NCAPD3: variants seen among roughly 807,000 people sequenced by gnomAD.
The protein encoded by NCAPD3 is non-SMC condensin II complex subunit D3, also known as condensin-2 complex subunit D3.
Under a neutral mutation model 182.9 loss-of-function variants are expected in NCAPD3, and 105 were observed. That is an observed-to-expected ratio of 0.57 (90% CI 0.49 to 0.68). NCAPD3 has a LOEUF of 0.68. Ranked by LOEUF, NCAPD3 falls within the 30% of genes least tolerant of loss-of-function variation. NCAPD3 has a pLI of 0.00. For missense variants in NCAPD3, 1,944 were observed against 1,837.0 expected, an observed-to-expected ratio of 1.06 and a Z score of -1.07; for synonymous variants, 815 against 679.9, an observed-to-expected ratio of 1.20 and a Z score of -3.09.
intron 13 of NCAPD3, among the ~76,000 whole-genome samples, chr11:134,198,593 G>A (rs1014654827): frequency 6.6e-6 from 1 of 152,134 alleles, no homozygotes; most frequent in African/African-American, 2.4e-5. Context: ...TACAGAGCTT[G>A]ACTCTTTCTG....
Position 134,184,808 on chromosome 11 carries a change from TATAC to T in NCAPD3, c.2336-60_2336-57del, listed in dbSNP as rs202007931. On this transcript the variant is annotated intron_variant, in intron 18 of 34. Coordinates refer to ENST00000534548, the MANE Select transcript of NCAPD3 (RefSeq NM_015261.3). ...AACTGCTTAAATATATTCAGGTATA[TATAC>T]ACACACACACACACACACACACACA... 2,113 of 953,770 alleles carry T rather than the reference TATAC, an allele frequency of 2.2e-3. 9 individuals carry two copies. In the Admixed American group the frequency reaches 0.023, roughly 10 times the overall value. The allele number at this position is 953,770 out of a possible 1,614,324, so 59.1% of individuals were successfully genotyped here.
At chr11:134,199,603 C>A (rs1944706433) in intron 13 of NCAPD3, among the ~76,000 whole-genome samples, 1 of 152,204 alleles carries the variant, frequency 6.6e-6, no homozygotes, top group Non-Finnish European at 1.5e-5. Flanking sequence ...GCCACCCCAT[C>A]AAAAGGGGAC....
chr11:134,168,965 T>C lies in NCAPD3; in HGVS notation c.3191A>G (p.Asn1064Ser), dbSNP rs1943939990. The C allele has an allele frequency of 6.2e-7, 1 of 1,613,910 alleles. No individual in the cohort carries two copies. The highest frequency in any genetic ancestry group is 1.7e-5 in the Admixed American group (1 of 59,992). The change falls in exon 25 of 35, where the codon AAT (asparagine) becomes AGT (serine). Residue 1064 changes from asparagine to serine, a missense_variant. This residue lies in a region of NCAPD3 where 1,803 missense variants were observed against 1,674.6 expected (regional missense o/e 1.08). Coordinates refer to ENST00000534548, the MANE Select transcript of NCAPD3 (RefSeq NM_015261.3). The stretch of plus-strand genomic sequence containing the variant: ...GTACTTCTCATGCTTCTCATAGTTA[T>C]TAAAGTGAAAAATACATTCAATGAA... ...QHFIECIFHF[N>S]NYEKHEKYNK...
rs114167852 is a variant in NCAPD3, at chr11:134,176,491, G to A, written c.3022-105C>T. On this transcript the variant is annotated intron_variant, in intron 23 of 34. Transcript: ENST00000534548. Reference sequence around the variant, plus strand: ...CACGCGGTCTGTCCCCGGCACACTGGCTGAGTGCACAGGCACACACTTCCA... The same window carrying A: ...CACGCGGTCTGTCCCCGGCACACTGACTGAGTGCACAGGCACACACTTCCA... The A allele has an allele frequency of 6.7e-3, 5,899 of 882,774 alleles. 231 individuals carry two copies. The African/African-American group carries it at 0.086, about 13-fold the overall frequency. The allele number at this position is 882,774 out of a possible 1,614,324, so 54.7% of individuals were successfully genotyped here. A position where few individuals can be genotyped will look rare whatever the true frequency, so the allele number is the denominator to read the frequency against.
intron 26 of NCAPD3, 27 bp downstream of exon 26, chr11:134,168,442 A>C: frequency 6.2e-7 from 1 of 1,612,794 alleles, no homozygotes; most frequent in Non-Finnish European, 8.5e-7. Context: ...AAACACACAC[A>C]TTTTCTCCCA....
Position 134,161,912 on chromosome 11 carries a change from A to C in NCAPD3, c.3574-21T>G, listed in dbSNP as rs780263914. On this transcript the variant is annotated intron_variant, in intron 27 of 34. Transcript: ENST00000534548. Reference sequence around the variant, plus strand: ...TGAACCTGGTAACACAAACAAAGACATGTTTTAGATGTATGAACTTCTGAA... The same window carrying C: ...TGAACCTGGTAACACAAACAAAGACCTGTTTTAGATGTATGAACTTCTGAA... The C allele has an allele frequency of 7.0e-5, 90 of 1,286,964 alleles. 1 individual carries two copies. In the South Asian group the frequency reaches 9.7e-4, roughly 14 times the overall value. 79.7% of individuals were successfully genotyped at this position (1,286,964 alleles called of 1,614,324 possible). A position where few individuals can be genotyped will look rare whatever the true frequency, so the allele number is the denominator to read the frequency against.
intron 27 of NCAPD3, among the ~76,000 whole-genome samples, chr11:134,166,835 C>T (rs1943830388): frequency 9.7e-6 from 1 of 102,992 alleles, no homozygotes; most frequent in Non-Finnish European, 1.9e-5. Context: ...GTGAGATGAG[C>T]TTGGGGGAGG....
chr11:134,219,924 T>A (rs916551349), intron 2 of NCAPD3, among the ~76,000 whole-genome samples: 1 of 151,726 alleles, frequency 6.6e-6, no homozygotes, highest in Non-Finnish European at 1.5e-5. Context: ...GCCTCTCGAG[T>A]AGCTGGGATT....
chr11:134,201,411 TG>T (rs1944746372), intron 13 of NCAPD3, among the ~76,000 whole-genome samples: 36 of 152,138 alleles, frequency 2.4e-4, no homozygotes, highest in Admixed American at 2.4e-3. Flanking sequence ...CTAATGGCTA[TG>T]GGGTTTATTT....
At chr11:134,223,450 G>C (rs1185004728) in intron 1 of NCAPD3, 1 of 702,558 alleles carries the variant, frequency 1.4e-6, no homozygotes, top group African/African-American at 1.7e-5. Flanking sequence ...TGTGACGTTT[G>C]ATGATGTCTG....
At chr11:134,192,121 A>T (rs1299102426) in intron 16 of NCAPD3, among the ~76,000 whole-genome samples, 1 of 152,244 alleles carries the variant, frequency 6.6e-6, no homozygotes, top group African/African-American at 2.4e-5. Context: ...CAGGAAACTA[A>T]GGCTCAGAGA....
upstream of NCAPD3, chr11:134,224,056 C>T: frequency 8.9e-7 from 1 of 1,125,490 alleles, no homozygotes; most frequent in Non-Finnish European, 1.3e-6. Flanking sequence ...CGCGCCGAGC[C>T]GTTTCCATTC....
In NCAPD3 at chr11:134,156,946, C is replaced by T. The variant is rs554094437; in HGVS notation, c.4252+72G>A. 71 of 1,344,818 alleles carry T rather than the reference C, an allele frequency of 5.3e-5. 1 individual carries two copies. The highest frequency in any genetic ancestry group is 4.5e-4 in the South Asian group (37 of 81,718). The allele number at this position is 1,344,818 out of a possible 1,614,324, so 83.3% of individuals were successfully genotyped here. On this transcript the variant is annotated intron_variant, in intron 32 of 34. Transcript: ENST00000534548. ...TCCTGCACCGGAAGGAGTTTTACTG[C>T]GACTCTAGCAAACACATCACGAATG...
At chr11:134,189,440 A>G (rs1367009227) in intron 16 of NCAPD3, among the ~76,000 whole-genome samples, 2 of 152,060 alleles carry the variant, frequency 1.3e-5, no homozygotes, top group African/African-American at 4.8e-5. Flanking sequence ...CCTTCTAAGT[A>G]CTCCATTAAA....
chr11:134,153,640 G>A (rs534557755), intron 32 of NCAPD3: 237 of 494,832 alleles, frequency 4.8e-4, no homozygotes, highest in Middle Eastern at 3.4e-3. Context: ...CCCTCCCGCC[G>A]TCTTCCATCA....
At chr11:134,155,930 T>C (rs963164527) in intron 32 of NCAPD3, among the ~76,000 whole-genome samples, 1 of 152,120 alleles carries the variant, frequency 6.6e-6, no homozygotes, top group Non-Finnish European at 1.5e-5. Context: ...TGTTAACTAT[T>C]CTAAGAGATC....
chr11:134,217,003 G>C lies in NCAPD3; in HGVS notation c.315C>G (p.Val105=). The stretch of plus-strand genomic sequence containing the variant: ...GGCCATATTCTCGATACTGTACACT[G>C]ACATTCTTCTTATGAACTATTTGAA... The part of the protein sequence containing the change: ...HFVQIVHKKN[V]SVQYREYGLH... The change falls in exon 3 of 35, where the codon GTC becomes GTG. Residue 105 remains valine (V), a synonymous_variant. Transcript: ENST00000534548. 6.2e-7 allele frequency: 1 copy of C among 1,613,960 alleles called. No homozygotes were observed. Among genetic ancestry groups the C allele is most frequent in the Admixed American group, 1.7e-5 (1 of 60,008 alleles).
rs777933618 is a variant in NCAPD3 at position 134,217,122 on chromosome 11, A to G, written c.220-24T>C. On this transcript the variant is annotated intron_variant, in intron 2 of 34. Transcript: ENST00000534548. ...CTCTGTGGGGAGACCGCAAATCACA[A>G]AAGCCAGTCATTAGAGAAATGGAAA... 2.6e-6 allele frequency: 4 copies of G among 1,545,234 alleles called. No homozygotes were observed. The South Asian group carries it at 5.0e-5, about 19-fold the overall frequency.
intron 8 of NCAPD3, among the ~76,000 whole-genome samples, chr11:134,205,592 G>A (rs915767298): frequency 7.2e-5 from 11 of 151,968 alleles, no homozygotes; most frequent in Admixed American, 1.3e-4. Context: ...GGCCAGGCTC[G>A]TCTTCAACTC....
Sources: gnomAD v4.1 joint callset for allele counts (sites outside exome capture counted in the v4.1 genomes callset) on GRCh38, gnomAD v4.1.1 for gene constraint, gnomAD v4.1.1 regional missense constraint, MANE v1.5 for transcripts, NCBI Gene and HGNC (gene_info 2026-07-23, HGNC 2026-07-21) for gene names.